CNTN3: variants seen among roughly 807,000 people sequenced by gnomAD.
CNTN3 encodes contactin 3.
CNTN3 carries 60 observed loss-of-function variants against 119.1 expected under a neutral mutation model. That is an observed-to-expected ratio of 0.50 (90% CI 0.41 to 0.62). The LOEUF (loss-of-function observed/expected upper bound fraction) is 0.62. Among genes scored for constraint, CNTN3 ranks in the 20% least tolerant of loss-of-function variants. The pLI is 0.00. For synonymous variants in CNTN3, 450 were observed against 438.7 expected (o/e 1.03, Z -0.32); for missense variants, 1,101 against 1,242.4 (o/e 0.89, Z 1.71).
intron 2 of CNTN3, among the ~76,000 whole-genome samples, chr3:74,517,872 C>G (rs1469520878): frequency 6.6e-6 from 1 of 151,954 alleles, no homozygotes; most frequent in Admixed American, 6.6e-5. Context: ...GATACCCACC[C>G]CTTGTGAATA....
rs184576242 is a variant in CNTN3 at position 74,310,383 on chromosome 3, T to C, written c.1669-7576A>G. ...AATTATCATTTTTTTTTCTGTTCAG[T>C]AATGTGTAAGTTGAACAGGCATCAT... On this transcript the variant is annotated intron_variant, in intron 13 of 22. Coordinates refer to ENST00000263665, the MANE Select transcript of CNTN3 (RefSeq NM_020872.3). Among the ~76,000 whole-genome samples the C allele has an allele frequency of 9.9e-5, 15 of 152,256 alleles. No homozygotes were observed. In the East Asian group the frequency reaches 2.7e-3, roughly 28 times the overall value.
At chr3:74,354,807 G>A (rs982025348) in intron 11 of CNTN3, among the ~76,000 whole-genome samples, 2 of 151,750 alleles carry the variant, frequency 1.3e-5, no homozygotes, top group African/African-American at 4.9e-5. Context: ...TGAGCACCAG[G>A]TGACTTGGCA....
At chr3:74,603,297 C>A (rs1211745527) in intron 1 of CNTN3, among the ~76,000 whole-genome samples, 1 of 152,142 alleles carries the variant, frequency 6.6e-6, no homozygotes, top group African/African-American at 2.4e-5. Context: ...AAGATGTCAG[C>A]TACATGGCAG....
intron 11 of CNTN3, among the ~76,000 whole-genome samples, chr3:74,350,991 A>T (rs553382051): frequency 2.4e-4 from 36 of 152,170 alleles, no homozygotes; most frequent in Non-Finnish European, 5.0e-4. Context: ...TGTTCACTAT[A>T]TTTGGGTGAT....
chr3:74,265,789 A>G (rs1440280079), intron 22 of CNTN3, among the ~76,000 whole-genome samples: 4 of 152,196 alleles, frequency 2.6e-5, no homozygotes, highest in Admixed American at 2.6e-4. Flanking sequence ...TAAGAACTAT[A>G]GAATAGCATA....
intron 1 of CNTN3, among the ~76,000 whole-genome samples, chr3:74,597,061 A>G (rs969523238): frequency 5.9e-5 from 9 of 152,038 alleles, no homozygotes; most frequent in African/African-American, 1.9e-4. Flanking sequence ...CATTTACATA[A>G]AATTCTAAGG....
chr3:74,563,549 C>T (rs529784157), intron 1 of CNTN3, among the ~76,000 whole-genome samples: 13 of 152,108 alleles, frequency 8.5e-5, no homozygotes, highest in African/African-American at 3.1e-4. Context: ...AAGAACTGTC[C>T]CCAAGTTCTG....
At chr3:74,357,909 T>G (rs58683813) in intron 11 of CNTN3, among the ~76,000 whole-genome samples, 10,093 of 152,178 alleles carry the variant, frequency 0.066, 506 homozygotes, top group East Asian at 0.21. Flanking sequence ...TTTAAAGTTG[T>G]AACAATCCAT....
chr3:74,499,781 C>A lies in CNTN3; in HGVS notation c.60G>T (p.Glu20Asp). The A allele has an allele frequency of 6.2e-7, 1 of 1,603,070 alleles. No homozygotes were observed. The highest frequency in any genetic ancestry group is 8.5e-7 in the Non-Finnish European group (1 of 1,175,892). Reference protein sequence around the residue: ...LLSFIGCLGGELLLQGPVFIK... With the variant: ...LLSFIGCLGGDLLLQGPVFIK... ...TAAATACAGGGCCTTGTAAGAGAAG[C>A]TCACCTATATGGGTGGGAGACATCC... The change falls in exon 3 of 23, where the codon GAG becomes GAT. Residue 20 changes from glutamate to aspartate, a missense_variant. Physicochemically the swap from Glu to Asp is conservative, Grantham distance 45. Coordinates refer to ENST00000263665, the MANE Select transcript of CNTN3 (RefSeq NM_020872.3).
intron 4 of CNTN3, among the ~76,000 whole-genome samples, chr3:74,454,340 C>CT (rs1702220602): frequency 7.1e-6 from 1 of 140,770 alleles, no homozygotes; most frequent in Non-Finnish European, 1.5e-5. Context: ...CAACCCCTGC[C>CT]TTTTTTTGTT....
At chr3:74,420,058 G>C (rs1249228696) in intron 5 of CNTN3, among the ~76,000 whole-genome samples, 1 of 152,156 alleles carries the variant, frequency 6.6e-6, no homozygotes, top group Admixed American at 6.5e-5. Flanking sequence ...CAAACTTTGG[G>C]AGGTTAATTC....
chr3:74,461,423 T>C (rs565806894), intron 4 of CNTN3, among the ~76,000 whole-genome samples: 1 of 152,066 alleles, frequency 6.6e-6, no homozygotes, highest in East Asian at 1.9e-4. Context: ...TTCTATCCCC[T>C]AAATTGGTAA....
At chr3:74,609,081 C>A (rs921500120) in intron 1 of CNTN3, among the ~76,000 whole-genome samples, 4 of 152,118 alleles carry the variant, frequency 2.6e-5, no homozygotes, top group African/African-American at 9.7e-5. Context: ...GAGTGGAAGT[C>A]ATGGGTGTTC....
chr3:74,554,239 G>T (rs12486820), intron 1 of CNTN3, among the ~76,000 whole-genome samples: 129,183 of 152,108 alleles, frequency 0.85, 55,922 homozygotes, highest in East Asian at 0.93. Flanking sequence ...GATGTGTGGT[G>T]TTATTTCTGA....
chr3:74,338,458 A>G (rs1703452073), intron 11 of CNTN3, among the ~76,000 whole-genome samples: 1 of 142,240 alleles, frequency 7.0e-6, no homozygotes, highest in African/African-American at 2.9e-5. Context: ...ACGTGCACAT[A>G]TGTGTATACA....
Position 74,521,084 on chromosome 3 carries a change from A to G in CNTN3, c.29T>C (p.Leu10Pro). 1 of 1,601,722 alleles carries G rather than the reference A, an allele frequency of 6.2e-7. No homozygotes were observed. The highest frequency in any genetic ancestry group is 1.7e-4 in the Middle Eastern group (1 of 6,006). Residue 10 changes from leucine (L) to proline (P), a missense_variant, in exon 2 of 23, where the codon CTG becomes CCG. Coordinates refer to ENST00000263665, the MANE Select transcript of CNTN3 (RefSeq NM_020872.3). ...TCCTAAGCAGCCAATGAATGAAAGC[A>G]GGATCAACTGTTTCCATGGAAACAT... is the stretch of plus-strand genomic sequence containing the variant. MMFPWKQLI[L>P]LSFIGCLGGE... is the part of the protein sequence containing the mutation.
intron 4 of CNTN3, among the ~76,000 whole-genome samples, chr3:74,471,941 C>T (rs562066815): frequency 7.2e-5 from 11 of 152,094 alleles, no homozygotes; most frequent in East Asian, 1.9e-4. Flanking sequence ...GTGAAGAGTC[C>T]GACACACAGA....
chr3:74,569,050 A>C (rs554799260), intron 1 of CNTN3, among the ~76,000 whole-genome samples: 44 of 152,286 alleles, frequency 2.9e-4, no homozygotes, highest in African/African-American at 9.9e-4. Flanking sequence ...GGGAGGCTTT[A>C]AGCCCGGAGC....
intron 5 of CNTN3, among the ~76,000 whole-genome samples, chr3:74,422,557 C>T (rs75426431): frequency 0.03 from 4,637 of 152,228 alleles, 164 homozygotes; most frequent in African/African-American, 0.086. Context: ...GACATGTTTC[C>T]TCCAACAGCT....
Sources: allele counts gnomAD v4.1 joint callset (sites outside exome capture counted in the v4.1 genomes callset), GRCh38; gene constraint gnomAD v4.1.1; transcripts MANE v1.5; gene names NCBI Gene and HGNC (gene_info 2026-07-23, HGNC 2026-07-21).